CRYBB2: variants seen among roughly 807,000 people sequenced by gnomAD.
CRYBB2 encodes the protein beta-crystallin B2.
In CRYBB2, 12 loss-of-function variants were observed where a neutral mutation model predicts 24.3. That is an observed-to-expected ratio of 0.49 (90% CI 0.32 to 0.80). The LOEUF (loss-of-function observed/expected upper bound fraction) is 0.80, where lower values mean the gene tolerates loss of function less well. Among genes scored for constraint, CRYBB2 ranks in the 30% least tolerant of loss-of-function variants. CRYBB2 has a pLI of 0.04. For synonymous variants in CRYBB2, 98 were observed against 101.6 expected (o/e 0.96, Z 0.21); for missense variants, 198 against 268.5 (o/e 0.74, Z 1.83).
intron 4 of CRYBB2, 62 bp downstream of exon 4, chr22:25,228,047 C>A: frequency 1.3e-5 from 21 of 1,611,008 alleles, no homozygotes; most frequent in Non-Finnish European, 1.7e-5. Flanking sequence ...TCTCTCTCTG[C>A]CACCTTGGAG....
chr22:25,223,996 C>A (rs536578753), intron 2 of CRYBB2, among the ~76,000 whole-genome samples: 3,470 of 151,854 alleles, frequency 0.023, 48 homozygotes, highest in Non-Finnish European at 0.036. Context: ...TGGTGGCAGG[C>A]GCCTGTAGTC....
upstream of CRYBB2, among the ~76,000 whole-genome samples, chr22:25,218,770 AG>A (rs1487942264): frequency 2.5e-3 from 65 of 25,686 alleles, no homozygotes; most frequent in African/African-American, 8.4e-3. Flanking sequence ...AGAGAGAGAG[AG>A]AGAGAGAGAA....
rs1309139749 is a variant in CRYBB2, at chr22:25,230,682, C to CAT, written c.450-922_450-921insAT. On this transcript the variant is annotated intron_variant, in intron 5 of 5. Coordinates refer to ENST00000398215, the MANE Select transcript of CRYBB2 (RefSeq NM_000496.3). ...TCTGTGCTCCTATTCCCCTTCATTC[C>CAT]CTCATTCATTCATTCATTCATTCAA... Among the ~76,000 whole-genome samples, 46 of 112,556 alleles carry CAT rather than the reference C, an allele frequency of 4.1e-4. No individual in the cohort carries two copies. The South Asian group carries it at 9.8e-3, about 24-fold the overall frequency. 73.8% of individuals were successfully genotyped at this position (112,556 alleles called of 152,430 possible).
chr22:25,215,563 C>T (rs973485817), upstream of CRYBB2, among the ~76,000 whole-genome samples: 9 of 95,000 alleles, frequency 9.5e-5, no homozygotes, highest in Non-Finnish European at 1.7e-4. Flanking sequence ...ATTCCTCTAG[C>T]GCCACTGGTT....
At chr22:25,225,535 T>C (rs1381538817) in intron 3 of CRYBB2, among the ~76,000 whole-genome samples, 1 of 152,092 alleles carries the variant, frequency 6.6e-6, no homozygotes. Context: ...TTTGGCACAC[T>C]TGGGGGCCAG....
chr22:25,218,822 G>GAAAGAAAGA (rs1935266803), upstream of CRYBB2, among the ~76,000 whole-genome samples: 1 of 113,690 alleles, frequency 8.8e-6, no homozygotes, highest in African/African-American at 4.0e-5. Flanking sequence ...AAGAAAGAAA[G>GAAAGAAAGA]AAAGAAAGAA....
chr22:25,215,256 T>C (rs4820623), upstream of CRYBB2, among the ~76,000 whole-genome samples: 91,919 of 152,168 alleles, frequency 0.6, 28,360 homozygotes, highest in East Asian at 0.92. Context: ...CCGCCCATGG[T>C]GGAAAATCAC....
At chr22:25,229,111 G>GCACA (rs1569021489) in intron 4 of CRYBB2, among the ~76,000 whole-genome samples, 3 of 151,384 alleles carry the variant, frequency 2.0e-5, no homozygotes, top group African/African-American at 7.3e-5. Flanking sequence ...GTGTGTGTGT[G>GCACA]CATGTGTGGG....
intron 2 of CRYBB2, among the ~76,000 whole-genome samples, chr22:25,223,788 T>A (rs928398488): frequency 1.3e-5 from 2 of 152,140 alleles, no homozygotes; most frequent in Non-Finnish European, 2.9e-5. Flanking sequence ...CAGGGGCAGT[T>A]TGCTGGGGAA....
chr22:25,223,058 T>G (rs7286982), intron 2 of CRYBB2, among the ~76,000 whole-genome samples: 12,164 of 152,176 alleles, frequency 0.08, 548 homozygotes, highest in African/African-American at 0.1. Flanking sequence ...TCTACTCTAT[T>G]GATTAATAAC....
intron 5 of CRYBB2, among the ~76,000 whole-genome samples, chr22:25,229,796 C>A (rs1284749903): frequency 6.6e-6 from 1 of 151,944 alleles, no homozygotes; most frequent in East Asian, 1.9e-4. Context: ...AAATGGTATG[C>A]CTTTGGAGTG....
At chr22:25,211,864 T>G (rs1156469303), upstream of CRYBB2, among the ~76,000 whole-genome samples, 1 of 152,130 alleles carries the variant, frequency 6.6e-6, no homozygotes, top group Non-Finnish European at 1.5e-5. Context: ...GGCAGTAGAG[T>G]CAAGTGATAG....
chr22:25,223,754 C>T (rs560085727), intron 2 of CRYBB2, among the ~76,000 whole-genome samples: 1 of 152,256 alleles, frequency 6.6e-6, no homozygotes, highest in Admixed American at 6.5e-5. Context: ...TGAGAGTGTG[C>T]TGACCTGAGC....
chr22:25,221,113 T>A (rs1242704226), intron 1 of CRYBB2, among the ~76,000 whole-genome samples: 2 of 152,210 alleles, frequency 1.3e-5, no homozygotes, highest in African/African-American at 4.8e-5. Context: ...TTGTCTGGGG[T>A]TGAGTGTTGG....
upstream of CRYBB2, among the ~76,000 whole-genome samples, chr22:25,216,115 ATT>A (rs1231394752): frequency 1.3e-5 from 2 of 151,906 alleles, no homozygotes; most frequent in African/African-American, 2.4e-5. Context: ...ATTCTTTCTT[ATT>A]TATAAGGACA....
intron 3 of CRYBB2, among the ~76,000 whole-genome samples, chr22:25,225,970 T>G (rs1331139885): frequency 1.3e-5 from 2 of 152,236 alleles, no homozygotes; most frequent in Admixed American, 1.3e-4. Flanking sequence ...TTTTCAAACA[T>G]TTTGATGAAA....
intron 2 of CRYBB2, among the ~76,000 whole-genome samples, chr22:25,222,518 T>C (rs1026902860): frequency 2.6e-5 from 4 of 152,108 alleles, no homozygotes; most frequent in Non-Finnish European, 2.9e-5. Flanking sequence ...GTGGGAGGAC[T>C]GTTTGAACCC....
Position 25,227,917 on chromosome 22 carries a change from C to T in CRYBB2, c.238C>T (p.Pro80Ser), listed in dbSNP as rs375716015. ...GTTTGTGTTTGAGAAGGGTGAGTAC[C>T]CCCGCTGGGACTCATGGACCAGCAG... ...EQFVFEKGEY[P>S]RWDSWTSSRR... Residue 80 changes from proline (P) to serine (S), a missense_variant, in exon 4 of 6, where the codon CCC (proline) becomes TCC (serine). Pro to Ser is a moderately conservative substitution (Grantham distance 74, BLOSUM62 -1). Coordinates refer to ENST00000398215, the MANE Select transcript of CRYBB2 (RefSeq NM_000496.3). The T allele has an allele frequency of 3.7e-6, 6 of 1,614,106 alleles. No individual in the cohort carries two copies. Among genetic ancestry groups the T allele is most frequent in the Non-Finnish European group, 5.1e-6 (6 of 1,180,024 alleles).
At chr22:25,212,138 A>G (rs1601412218), upstream of CRYBB2, among the ~76,000 whole-genome samples, 1 of 152,208 alleles carries the variant, frequency 6.6e-6, no homozygotes, top group East Asian at 1.9e-4. Context: ...TCTCTTGATC[A>G]TTTTTTGACA....
Sources: gnomAD v4.1 joint callset for allele counts (sites outside exome capture counted in the v4.1 genomes callset) on GRCh38, gnomAD v4.1.1 for gene constraint, MANE v1.5 for transcripts, NCBI Gene and HGNC (gene_info 2026-07-23, HGNC 2026-07-21) for gene names.